Variants in KIF22 observed in about 807,000 individuals in gnomAD.
The protein encoded by KIF22 is kinesin-like protein KIF22.
Under a neutral mutation model 73.0 loss-of-function variants are expected in KIF22, and 62 were observed. The observed-to-expected ratio is 0.85, with a 90% CI of 0.69 to 1.05. The LOEUF (loss-of-function observed/expected upper bound fraction) is 1.05, where lower values mean the gene tolerates loss of function less well. KIF22 is among the 50% of genes least tolerant of loss of function. The pLI is 0.00. For synonymous variants in KIF22, 411 were observed against 340.1 expected (o/e 1.21, Z -2.29); for missense variants, 854 against 870.1 (o/e 0.98, Z 0.23).
intron 11 of KIF22, chr16:29,804,598 ATAT>A (rs1194414740): frequency 5.2e-5 from 36 of 694,576 alleles, no homozygotes; most frequent in Non-Finnish European, 7.6e-5. Context: ...AAGGGTGCTA[ATAT>A]TACCACTGGG....
chr16:29,798,231 A>G lies in KIF22; in HGVS notation c.267-143A>G. The G allele has an allele frequency of 6.9e-7, 1 of 1,439,500 alleles. No individual in the cohort carries two copies. The highest frequency in any genetic ancestry group is 9.2e-7 in the Non-Finnish European group (1 of 1,091,800). The allele number at this position is 1,439,500 out of a possible 1,614,324, so 89.2% of individuals were successfully genotyped here. A position where few individuals can be genotyped will look rare whatever the true frequency, so the allele number is the denominator to read the frequency against. ...ATGCTTTTTAAGGTCTTTGTACAAG[A>G]AAGGGGATAGAGACGTTCTCTTAAA... is the stretch of plus-strand genomic sequence containing the variant. On this transcript the variant is annotated intron_variant, in intron 2 of 13. Transcript: ENST00000160827. This position sits in a 1 kb window ranked among gnomAD's most constrained non-coding sequence, Gnocchi z 4.1.
chr16:29,790,992 G>A, intron 1 of KIF22, 163 bp downstream of exon 1: 1 of 1,460,242 alleles, frequency 6.8e-7, no homozygotes. Flanking sequence ...CGAGCCGGTC[G>A]CCCCGCCTGG....
At chr16:29,793,332 C>T (rs1423195778) in intron 1 of KIF22, among the ~76,000 whole-genome samples, 3 of 152,044 alleles carry the variant, frequency 2.0e-5, no homozygotes, top group Non-Finnish European at 2.9e-5. Context: ...CCCAGCTATT[C>T]GGGAGGCTGA....
Position 29,804,810 on chromosome 16 carries a change from C to T in KIF22, c.1678-4C>T. ...CGTGTCACTCATCTCCCTTTGCCTCCCAGCTGGAGTCCCTGGATGCCCTAG... is the reference window on the plus strand; with the variant it reads ...CGTGTCACTCATCTCCCTTTGCCTCTCAGCTGGAGTCCCTGGATGCCCTAG... On this transcript the variant is annotated splice_polypyrimidine_tract_variant and splice_region_variant and intron_variant, in intron 11 of 13. Transcript: ENST00000160827. 1 of 1,599,246 alleles carries T rather than the reference C, an allele frequency of 6.3e-7. No individual in the cohort carries two copies. Among genetic ancestry groups the T allele is most frequent in the Non-Finnish European group, 8.5e-7 (1 of 1,172,822 alleles).
At position 29,798,320 on chromosome 16, in the gene KIF22, AC is replaced by A; in HGVS notation, c.267-53del. On this transcript the variant is annotated intron_variant, in intron 2 of 13. Transcript: ENST00000160827. The surrounding 1 kb of genome is among the most constrained non-coding windows in gnomAD (Gnocchi z 4.1). ...CCACCCCACTCCACCCCTTACACAC[AC>A]ACACACACACACACACACACACACA... 8.7e-7 allele frequency: 1 copy of A among 1,152,306 alleles called. No individual in the cohort carries two copies. The highest frequency in any genetic ancestry group is 1.2e-6 in the Non-Finnish European group (1 of 846,574). The allele number at this position is 1,152,306 out of a possible 1,614,324, so 71.4% of individuals were successfully genotyped here.
chr16:29,799,498 A>C lies in KIF22; in HGVS notation c.990+4A>C. 1 of 1,613,996 alleles carries C rather than the reference A, an allele frequency of 6.2e-7. No homozygotes were observed. The highest frequency in any genetic ancestry group is 8.5e-7 in the Non-Finnish European group (1 of 1,179,906). ...CAAGCTCACTCGCCTATTGCAGGTC[A>C]GGCCCACCTGTCTCAGGGAAGAAGG... On this transcript the variant is annotated splice_donor_region_variant and intron_variant, in intron 6 of 13. Coordinates refer to ENST00000160827, the MANE Select transcript of KIF22 (RefSeq NM_007317.3).
At position 29,803,552 on chromosome 16, in the gene KIF22, GCA is replaced by G. The variant is rs763567517; in HGVS notation, c.1556_1557del (p.Thr519SerfsTer35). The G allele has an allele frequency of 1.2e-6, 2 of 1,613,694 alleles. No homozygotes were observed. The highest frequency in any genetic ancestry group is 2.2e-5 in the East Asian group (1 of 44,890). On this transcript the variant is annotated frameshift_variant, in exon 10 of 14. Transcript: ENST00000160827. LOFTEE classifies it high-confidence loss of function. ...ACAATGCTCCGGCCCCTTTCACATCGCACAGTCACAGGGGCAAAGCCCCTGAA... is the reference window on the plus strand; with the variant it reads ...ACAATGCTCCGGCCCCTTTCACATCGCAGTCACAGGGGCAAAGCCCCTGAA...
At chr16:29,801,135 T>A (rs1228858565) in intron 8 of KIF22, among the ~76,000 whole-genome samples, 1 of 152,122 alleles carries the variant, frequency 6.6e-6, no homozygotes, top group Non-Finnish European at 1.5e-5. Context: ...GCGTCTACCC[T>A]CAATCCAGAT....
At position 29,798,712 on chromosome 16, in the gene KIF22, G is replaced by C. The variant is rs1899021773; in HGVS notation, c.514G>C (p.Val172Leu). Residue 172 changes from valine to leucine, a missense_variant, in exon 4 of 14, where the codon GTC (valine) becomes CTC (leucine). Physicochemically the swap from Val to Leu is conservative, Grantham distance 32. Around this residue, in one of 3 missense-constraint regions of KIF22, gnomAD observed 245 missense variants for 351.8 expected, o/e 0.70. Transcript: ENST00000160827. This position sits in a 1 kb window ranked among gnomAD's most constrained non-coding sequence, Gnocchi z 4.1. ...CGAGGGCCGGCCATGGGCCCTTTCTGTCACCATGTCTTACCTAGAGATCTA... is the reference window on the plus strand; with the variant it reads ...CGAGGGCCGGCCATGGGCCCTTTCTCTCACCATGTCTTACCTAGAGATCTA... ...GAEGRPWALS[V>L]TMSYLEIYQE... 1.2e-6 allele frequency: 2 copies of C among 1,614,116 alleles called. No individual in the cohort carries two copies. Among genetic ancestry groups the C allele is most frequent in the Non-Finnish European group, 1.7e-6 (2 of 1,180,024 alleles).
chr16:29,803,605 CTAAG>C lies in KIF22; in HGVS notation c.1609+3_1609+6del. On this transcript the variant is annotated splice_donor_variant and coding_sequence_variant, in exon 10 of 14. Coordinates refer to ENST00000160827, the MANE Select transcript of KIF22 (RefSeq NM_007317.3). LOFTEE classifies it high-confidence loss of function. ...AAAGGCTGTGGTGATGCCCCTACAG[CTAAG>C]TAAGTTTGACTCCAGGGGCTGGGGG... The C allele has an allele frequency of 6.2e-7, 1 of 1,605,312 alleles. No homozygotes were observed. Among genetic ancestry groups the C allele is most frequent in the Non-Finnish European group, 8.5e-7 (1 of 1,176,292 alleles).
chr16:29,802,671 C>T (rs1899182086), intron 8 of KIF22, 98 bp from the exon 9 acceptor site: 2 of 1,160,728 alleles, frequency 1.7e-6, no homozygotes, highest in African/African-American at 1.6e-5. Flanking sequence ...TCTGGAGCTA[C>T]AGGATATACC....
chr16:29,803,480 C>T lies in KIF22; in HGVS notation c.1481C>T (p.Ala494Val). ...AAGACGAAGCAAAAAGAACTGGAGG[C>T]CAAGATGTTGGCCCAGAAGGCTGAG... ...RLKTKQKELE[A>V]KMLAQKAEEK... is the part of the protein sequence containing the mutation. Residue 494 changes from alanine (A) to valine (V), a missense_variant, in exon 10 of 14, where the codon GCC (alanine) becomes GTC (valine). By Grantham distance (64) the Ala-to-Val change is moderately conservative. Around this residue, in one of 3 missense-constraint regions of KIF22, gnomAD observed 423 missense variants for 365.4 expected, o/e 1.16. Transcript: ENST00000160827. 1 of 1,614,182 alleles carries T rather than the reference C, an allele frequency of 6.2e-7. No individual in the cohort carries two copies. Among genetic ancestry groups the T allele is most frequent in the Non-Finnish European group, 8.5e-7 (1 of 1,180,018 alleles).
At chr16:29,803,834 G>A (rs377729205) in intron 10 of KIF22, among the ~76,000 whole-genome samples, 164 bp from the exon 11 acceptor site, 1 of 152,180 alleles carries the variant, frequency 6.6e-6, no homozygotes, top group Admixed American at 6.5e-5. Flanking sequence ...AAGACTGACT[G>A]AAATTCCTTT....
At chr16:29,803,759 G>A (rs539072639) in intron 10 of KIF22, 151 bp downstream of exon 10, 1 of 742,124 alleles carries the variant, frequency 1.3e-6, no homozygotes, top group African/African-American at 1.8e-5. Flanking sequence ...AGTGCTGGGG[G>A]TGCTCTGCCC....
At chr16:29,796,283 A>AC (rs2142369052) in intron 1 of KIF22, among the ~76,000 whole-genome samples, 1 of 150,140 alleles carries the variant, frequency 6.7e-6, no homozygotes, top group African/African-American at 2.5e-5. Context: ...AAAAAAAAAA[A>AC]AACACACACA....
intron 8 of KIF22, 151 bp from the exon 9 acceptor site, chr16:29,802,618 C>T: frequency 2.9e-6 from 2 of 685,258 alleles, no homozygotes. Context: ...GATGAAGACA[C>T]TGCACCCAGA....
At chr16:29,804,524 T>C (rs1449897199) in intron 11 of KIF22, 1 of 663,372 alleles carries the variant, frequency 1.5e-6, no homozygotes, top group Non-Finnish European at 2.8e-6. Flanking sequence ...AGGGACCAGA[T>C]TTAAGAGCTT....
At chr16:29,800,130 C>T in intron 8 of KIF22, 82 bp downstream of exon 8, 1 of 1,454,584 alleles carries the variant, frequency 6.9e-7, no homozygotes, top group East Asian at 2.3e-5. Context: ...GATCCTTGAG[C>T]AGAGAGCTGT....
intron 1 of KIF22, among the ~76,000 whole-genome samples, chr16:29,792,992 A>G (rs1898856852): frequency 6.6e-6 from 1 of 152,198 alleles, no homozygotes; most frequent in Non-Finnish European, 1.5e-5. Context: ...ATTTAAAGAG[A>G]TAGACTTGAC....
Sources: gnomAD v4.1 joint callset for allele counts (sites outside exome capture counted in the v4.1 genomes callset) on GRCh38, gnomAD v4.1.1 for gene constraint, gnomAD v4.1.1 regional missense constraint, Gnocchi (gnomAD v3.1) non-coding constraint, MANE v1.5 for transcripts, NCBI Gene and HGNC (gene_info 2026-07-23, HGNC 2026-07-21) for gene names.